ARPC2: variants seen among roughly 807,000 people sequenced by gnomAD.
ARPC2 encodes the protein actin related protein 2/3 complex subunit 2.
Under a neutral mutation model 38.6 loss-of-function variants are expected in ARPC2, and 4 were observed. That is an observed-to-expected ratio of 0.10 (90% CI 0.05 to 0.24). ARPC2 has a LOEUF of 0.24. ARPC2 is among the 10% of genes least tolerant of loss of function. The pLI is 1.00. For missense variants in ARPC2, 229 were observed against 387.3 expected (o/e 0.59, Z 3.43); for synonymous variants, 125 against 140.8 (o/e 0.89, Z 0.79).
At chr2:218,224,215 G>A (rs932333999) in intron 2 of ARPC2, among the ~76,000 whole-genome samples, 2 of 152,206 alleles carry the variant, frequency 1.3e-5, no homozygotes, top group African/African-American at 4.8e-5. Context: ...GACTCAAAGT[G>A]TGTATGACTT....
intron 6 of ARPC2, chr2:218,239,183 T>C (rs1689849964): frequency 1.7e-6 from 1 of 586,662 alleles, no homozygotes; most frequent in African/African-American, 1.9e-5. Context: ...TAAAATCTAC[T>C]TCTGATAATT....
At chr2:218,217,648 G>A in intron 2 of ARPC2, 104 bp downstream of exon 2, 1 of 1,241,206 alleles carries the variant, frequency 8.1e-7, no homozygotes, top group Non-Finnish European at 1.1e-6. Flanking sequence ...GAAATGGGGT[G>A]CCTGGCAGGG....
chr2:218,220,431 A>G (rs1689356589), intron 2 of ARPC2, among the ~76,000 whole-genome samples: 1 of 152,200 alleles, frequency 6.6e-6, no homozygotes, highest in Non-Finnish European at 1.5e-5. Context: ...TCTGGTGCTC[A>G]TTTGCCACAT....
At chr2:218,222,506 T>G (rs1574574959) in intron 2 of ARPC2, among the ~76,000 whole-genome samples, 2 of 152,278 alleles carry the variant, frequency 1.3e-5, no homozygotes, top group Middle Eastern at 3.4e-3. Context: ...GTGTCTTGGG[T>G]TGTCCAGGCA....
At chr2:218,224,157 A>G (rs1184950048) in intron 2 of ARPC2, among the ~76,000 whole-genome samples, 4 of 152,212 alleles carry the variant, frequency 2.6e-5, no homozygotes, top group Non-Finnish European at 4.4e-5. Flanking sequence ...TTTTCCCACA[A>G]GGATCTGTGC....
At chr2:218,237,020 C>T (rs192141595) in intron 5 of ARPC2, among the ~76,000 whole-genome samples, 13 of 152,194 alleles carry the variant, frequency 8.5e-5, no homozygotes, top group Admixed American at 6.5e-4. Context: ...GTGTTCCAGC[C>T]GGCTTCTGGG....
chr2:218,236,789 T>C (rs1689783425), intron 5 of ARPC2: 1 of 117,004 alleles, frequency 8.5e-6, no homozygotes, highest in Admixed American at 8.5e-5. Flanking sequence ...TAAAACTCCA[T>C]CTCAAAAAAA....
rs1325114414 is a variant in ARPC2, at chr2:218,245,529, T to C, written c.659T>C (p.Ile220Thr). ...ACAGACGCCGCTGTGGGTGACAACA[T>C]TGGCTACATTACCTTTGGTGAGCAG... ...KDTDAAVGDN[I>T]GYITFVLFPR... Residue 220 changes from isoleucine to threonine, a missense_variant, in exon 8 of 11, where the codon ATT becomes ACT. Ile to Thr is a moderately conservative substitution (Grantham distance 89). This residue lies in a region of ARPC2 where 92 missense variants were observed against 152.3 expected (regional missense o/e 0.60). Coordinates refer to ENST00000315717, the MANE Select transcript of ARPC2 (RefSeq NM_152862.3). 3.1e-6 allele frequency: 5 copies of C among 1,614,162 alleles called. No homozygotes were observed. Among genetic ancestry groups the C allele is most frequent in the Admixed American group, 1.7e-5 (1 of 60,024 alleles).
chr2:218,228,710 T>TAG (rs761945820), intron 3 of ARPC2, 28 bp from the exon 4 acceptor site: 1 of 1,397,752 alleles, frequency 7.2e-7, no homozygotes, highest in Admixed American at 1.7e-5. Flanking sequence ...CCCAAATTGT[T>TAG]ACGCAATCTT....
intron 5 of ARPC2, 149 bp downstream of exon 5, chr2:218,234,546 A>C: frequency 1.5e-6 from 1 of 648,950 alleles, no homozygotes; most frequent in Non-Finnish European, 2.6e-6. Context: ...CGTCCATAAA[A>C]ATAGCTTTTA....
At chr2:218,245,381 C>A in intron 7 of ARPC2, 39 bp from the exon 8 acceptor site, 1 of 1,613,052 alleles carries the variant, frequency 6.2e-7, no homozygotes. Context: ...TCATCTTACA[C>A]CCACTTCTCT....
intron 5 of ARPC2, among the ~76,000 whole-genome samples, chr2:218,238,419 T>C (rs1424310494): frequency 1.3e-5 from 2 of 152,130 alleles, no homozygotes; most frequent in East Asian, 1.9e-4. Flanking sequence ...AAGAATCTTA[T>C]AAAAATTAAG....
At chr2:218,220,989 CTTTT>C (rs1559474361) in intron 2 of ARPC2, among the ~76,000 whole-genome samples, 77 of 152,258 alleles carry the variant, frequency 5.1e-4, no homozygotes, top group African/African-American at 1.8e-3. Flanking sequence ...ACAGCATTGC[CTTTT>C]CATTTGGAAA....
chr2:218,217,283 G>A (rs1689268434), intron 1 of ARPC2, 29 bp downstream of exon 1: 1 of 599,872 alleles, frequency 1.7e-6, no homozygotes. Context: ...TGTCTCCACA[G>A]TCTGCGTGCG....
intron 1 of ARPC2, 42 bp from the exon 2 acceptor site, chr2:218,217,421 C>G (rs1324790001): frequency 1.1e-5 from 18 of 1,595,352 alleles, no homozygotes; most frequent in Non-Finnish European, 1.5e-5. Context: ...GCCTCCCTTA[C>G]CCACCCTCAC....
intron 5 of ARPC2, 128 bp from the exon 6 acceptor site, chr2:218,238,536 A>G: frequency 1.5e-6 from 1 of 646,712 alleles, no homozygotes; most frequent in Non-Finnish European, 2.5e-6. Flanking sequence ...AACCTGAAAA[A>G]AGATTTTTTT....
At position 218,227,530 on chromosome 2, in the gene ARPC2, G is replaced by A. The variant is rs184677239; in HGVS notation, c.110-1208G>A. Among the ~76,000 whole-genome samples the A allele has an allele frequency of 1.2e-3, 175 of 151,502 alleles. 2 individuals are homozygous for A. The highest frequency in any genetic ancestry group is 1.4e-3 in the Non-Finnish European group (95 of 67,926). On this transcript the variant is annotated intron_variant, in intron 3 of 10. Coordinates refer to ENST00000315717, the MANE Select transcript of ARPC2 (RefSeq NM_152862.3). ...CGCCTCCACCTCCCCGAGTTCAAGCGATTCTCCTGCCTCCGCCTCTCAAGT... is the reference window on the plus strand; with the variant it reads ...CGCCTCCACCTCCCCGAGTTCAAGCAATTCTCCTGCCTCCGCCTCTCAAGT...
chr2:218,225,889 C>G, intron 2 of ARPC2, 31 bp from the exon 3 acceptor site: 1 of 1,612,320 alleles, frequency 6.2e-7, no homozygotes, highest in Non-Finnish European at 8.5e-7. Context: ...ATACAGTCAT[C>G]TTAACTGAGG....
intron 9 of ARPC2, 64 bp downstream of exon 9, chr2:218,249,528 A>G: frequency 7.8e-7 from 1 of 1,281,818 alleles, no homozygotes; most frequent in Admixed American, 2.3e-5. Flanking sequence ...AGAACTCCTG[A>G]CAGAAAGTCA....
Sources: gnomAD v4.1 joint callset for allele counts (sites outside exome capture counted in the v4.1 genomes callset) on GRCh38, gnomAD v4.1.1 for gene constraint, gnomAD v4.1.1 regional missense constraint, MANE v1.5 for transcripts, NCBI Gene and HGNC (gene_info 2026-07-23, HGNC 2026-07-21) for gene names.